LEPR: variants seen among roughly 807,000 people sequenced by gnomAD.
The protein encoded by LEPR is leptin receptor.
Under a neutral mutation model 114.7 loss-of-function variants are expected in LEPR, and 56 were observed. The observed-to-expected ratio is 0.49, with a 90% CI of 0.39 to 0.61. The LOEUF (loss-of-function observed/expected upper bound fraction) is 0.61, where lower values mean the gene tolerates loss of function less well. Among genes scored for constraint, LEPR ranks in the 20% least tolerant of loss-of-function variants. The pLI is 0.00. For missense variants in LEPR, 1,202 were observed against 1,352.9 expected, an observed-to-expected ratio of 0.89 and a Z score of 1.75; for synonymous variants, 443 against 461.4, an observed-to-expected ratio of 0.96 and a Z score of 0.51.
At chr1:65,630,713 T>C (rs1054255785) in intron 19 of LEPR, among the ~76,000 whole-genome samples, 1 of 151,896 alleles carries the variant, frequency 6.6e-6, no homozygotes, top group Non-Finnish European at 1.5e-5. Context: ...TGTGTGTGTG[T>C]GTGTTATATT....
chr1:65,506,793 G>A (rs1648750350), intron 2 of LEPR, among the ~76,000 whole-genome samples: 1 of 151,932 alleles, frequency 6.6e-6, no homozygotes, highest in South Asian at 2.1e-4. Context: ...ATTTCTTTGT[G>A]GTGAGAACAC....
chr1:65,510,854 G>C (rs535119240), intron 2 of LEPR, among the ~76,000 whole-genome samples: 78 of 152,162 alleles, frequency 5.1e-4, no homozygotes, highest in African/African-American at 1.8e-3. Flanking sequence ...GTTTTAAATT[G>C]AATATGTTTT....
At chr1:65,634,639 G>T (rs72925327) in intron 19 of LEPR, 26,650 of 975,806 alleles carry the variant, frequency 0.027, 1,228 homozygotes, top group South Asian at 0.2. Flanking sequence ...TGACATTTTA[G>T]CATGAAATAT....
At chr1:65,438,011 T>C (rs1646588711) in intron 2 of LEPR, among the ~76,000 whole-genome samples, 1 of 151,910 alleles carries the variant, frequency 6.6e-6, no homozygotes, top group South Asian at 2.1e-4. Flanking sequence ...TTTCCCTACA[T>C]TGACCAGGCT....
intron 10 of LEPR, among the ~76,000 whole-genome samples, chr1:65,604,083 T>G (rs1656643918): frequency 6.6e-6 from 1 of 152,098 alleles, no homozygotes; most frequent in Non-Finnish European, 1.5e-5. Context: ...ATTTTAAATA[T>G]TCTATCACTA....
intron 2 of LEPR, among the ~76,000 whole-genome samples, chr1:65,495,827 C>CCATATATGAGTGA (rs1648127517): frequency 2.6e-5 from 4 of 152,120 alleles, no homozygotes; most frequent in African/African-American, 9.7e-5. Context: ...CAAGATCTCA[C>CCATATATGAGTGA]TCATATATGG....
chr1:65,614,523 C>CTAGA (rs1657404615), intron 14 of LEPR, among the ~76,000 whole-genome samples: 2 of 152,134 alleles, frequency 1.3e-5, no homozygotes, highest in South Asian at 4.1e-4. Context: ...AAGCACTGTA[C>CTAGA]TCTAGTTGAT....
chr1:65,536,253 T>C (rs945801204), intron 2 of LEPR, among the ~76,000 whole-genome samples: 1 of 152,104 alleles, frequency 6.6e-6, no homozygotes, highest in Non-Finnish European at 1.5e-5. Context: ...TTGTCCCTCC[T>C]CTCTCTTGCT....
intron 7 of LEPR, 91 bp from the exon 8 acceptor site, chr1:65,598,569 T>C: frequency 6.4e-7 from 1 of 1,556,606 alleles, no homozygotes; most frequent in Non-Finnish European, 8.8e-7. Context: ...ATATTAATTC[T>C]TTGAAATTTG....
rs768458181 is a variant in LEPR at position 65,425,328 on chromosome 1, G to A, written c.-71G>A. The A allele has an allele frequency of 6.2e-6, 10 of 1,609,950 alleles. No homozygotes were observed. Among genetic ancestry groups the A allele is most frequent in the Non-Finnish European group, 8.5e-6 (10 of 1,179,056 alleles). The stretch of plus-strand genomic sequence containing the variant: ...CTCTCGTGGCATTATCCTTCAGTGG[G>A]GCTATTGGACTGACTTTTCTTATGC... On this transcript the variant is annotated 5_prime_UTR_variant, in exon 2 of 20. Coordinates refer to ENST00000349533, the MANE Select transcript of LEPR (RefSeq NM_002303.6).
chr1:65,471,081 G>A (rs2100414127), intron 2 of LEPR, among the ~76,000 whole-genome samples: 1 of 152,316 alleles, frequency 6.6e-6, no homozygotes, highest in Non-Finnish European at 1.5e-5. Flanking sequence ...ACCAAGTAAT[G>A]CTGGCTTAAA....
intron 19 of LEPR, among the ~76,000 whole-genome samples, chr1:65,627,710 T>C (rs1658301310): frequency 6.6e-6 from 1 of 151,996 alleles, no homozygotes; most frequent in South Asian, 2.1e-4. Context: ...GTAACCCAAA[T>C]GATGAATAAA....
intron 5 of LEPR, among the ~76,000 whole-genome samples, chr1:65,585,780 TG>T (rs1276670113): frequency 2.0e-5 from 3 of 152,162 alleles, no homozygotes; most frequent in Admixed American, 2.0e-4. Context: ...TTTTAAAATT[TG>T]ATGATCCTTT....
At chr1:65,604,784 G>A (rs1203253758) in intron 10 of LEPR, among the ~76,000 whole-genome samples, 1 of 152,180 alleles carries the variant, frequency 6.6e-6, no homozygotes, top group East Asian at 1.9e-4. Context: ...TAGAGGAGCA[G>A]AACCCTATTG....
At chr1:65,459,487 C>T (rs1306878583) in intron 2 of LEPR, among the ~76,000 whole-genome samples, 1 of 152,166 alleles carries the variant, frequency 6.6e-6, no homozygotes, top group Non-Finnish European at 1.5e-5. Flanking sequence ...ATGCCACTGG[C>T]AGCTATGTGC....
rs1376629602 is a variant in LEPR, at chr1:65,564,092, C to T, written c.-20-1454C>T. ...TGTGGTGGGCTCCACCCAGTTGGAG[C>T]TTCCCGCTGCTTTGTTTACCTGATC... On this transcript the variant is annotated intron_variant, in intron 2 of 19. Coordinates refer to ENST00000349533, the MANE Select transcript of LEPR (RefSeq NM_002303.6). Among the ~76,000 whole-genome samples, 73 of 145,750 alleles carry T rather than the reference C, an allele frequency of 5.0e-4. 1 individual carries two copies. The highest frequency in any genetic ancestry group is 7.8e-4 in the Non-Finnish European group (51 of 65,084).
rs910181663 is a variant in LEPR at position 65,621,203 on chromosome 1, T to C, written c.2492-150T>C. 4.1e-5 allele frequency: 28 copies of C among 683,104 alleles called. No homozygotes were observed. The Admixed American group carries it at 4.1e-4, about 10-fold the overall frequency. 42.3% of individuals were successfully genotyped at this position (683,104 alleles called of 1,614,324 possible). ...GTATTTTATTAATGTGATCACAACA[T>C]ATTTTTATCTTCATTTTTTATTTTT... On this transcript the variant is annotated intron_variant, in intron 17 of 19. Coordinates refer to ENST00000349533, the MANE Select transcript of LEPR (RefSeq NM_002303.6).
chr1:65,457,242 CTG>C (rs1416083895), intron 2 of LEPR, among the ~76,000 whole-genome samples: 2 of 152,124 alleles, frequency 1.3e-5, no homozygotes, highest in African/African-American at 4.8e-5. Context: ...ATTTTGAAAA[CTG>C]TTACATCTTA....
At chr1:65,520,139 A>G (rs777310900) in intron 2 of LEPR, among the ~76,000 whole-genome samples, 2 of 152,200 alleles carry the variant, frequency 1.3e-5, no homozygotes, top group Non-Finnish European at 2.9e-5. Flanking sequence ...CTGAGATTAC[A>G]GGCATGAGCC....
Sources: gnomAD v4.1 joint callset for allele counts (sites outside exome capture counted in the v4.1 genomes callset) on GRCh38, gnomAD v4.1.1 for gene constraint, MANE v1.5 for transcripts, NCBI Gene and HGNC (gene_info 2026-07-23, HGNC 2026-07-21) for gene names.